Variants in CNTNAP2 observed in about 807,000 individuals in gnomAD.
The protein encoded by CNTNAP2 is contactin associated protein 2.
CNTNAP2 carries 98 observed loss-of-function variants against 155.2 expected under a neutral mutation model. The ratio of observed to expected loss-of-function variants is 0.63; its 90% CI spans 0.54 to 0.75. CNTNAP2 has a LOEUF of 0.75. Ranked by LOEUF, CNTNAP2 falls within the 30% of genes least tolerant of loss-of-function variation. The pLI is 0.00. For synonymous variants in CNTNAP2, 651 were observed against 631.2 expected, an observed-to-expected ratio of 1.03 and a Z score of -0.47; for missense variants, 1,727 against 1,688.1, an observed-to-expected ratio of 1.02 and a Z score of -0.40.
chr7:147,096,353 C>T (rs774802399), intron 4 of CNTNAP2, among the ~76,000 whole-genome samples: 1 of 152,172 alleles, frequency 6.6e-6, no homozygotes, highest in Non-Finnish European at 1.5e-5. Flanking sequence ...GTTTGAATAA[C>T]ACCAGCATTC....
intron 2 of CNTNAP2, among the ~76,000 whole-genome samples, chr7:146,793,788 G>A (rs948580211): frequency 1.3e-5 from 2 of 152,184 alleles, no homozygotes; most frequent in African/African-American, 4.8e-5. Context: ...GACAGCATAA[G>A]TGGTGTCAAG....
intron 1 of CNTNAP2, among the ~76,000 whole-genome samples, chr7:146,568,637 C>A (rs1341881060): frequency 6.6e-6 from 1 of 152,092 alleles, no homozygotes; most frequent in Admixed American, 6.5e-5. Context: ...ATTCTTGATT[C>A]AAAAAATCAT....
At chr7:147,840,117 T>C (rs1798705054) in intron 13 of CNTNAP2, among the ~76,000 whole-genome samples, 1 of 152,012 alleles carries the variant, frequency 6.6e-6, no homozygotes, top group Non-Finnish European at 1.5e-5. Flanking sequence ...CTAAATGATG[T>C]GCACATATGG....
intron 1 of CNTNAP2, among the ~76,000 whole-genome samples, chr7:146,164,029 G>T (rs1468097785): frequency 6.6e-6 from 1 of 152,046 alleles, no homozygotes; most frequent in Non-Finnish European, 1.5e-5. Context: ...TATTATATTT[G>T]CTTCTTTGTC....
chr7:148,223,912 G>A (rs535487281), intron 19 of CNTNAP2, among the ~76,000 whole-genome samples: 7 of 152,290 alleles, frequency 4.6e-5, no homozygotes, highest in South Asian at 2.1e-4. Context: ...AATGTCCAGC[G>A]TTTTGCATAA....
chr7:147,637,002 G>C (rs1270091233), intron 12 of CNTNAP2, among the ~76,000 whole-genome samples: 1 of 152,104 alleles, frequency 6.6e-6, no homozygotes, highest in African/African-American at 2.4e-5. Flanking sequence ...CTGCTGATGT[G>C]TTTGAGGAAT....
At chr7:147,541,303 G>A (rs1168759998) in intron 11 of CNTNAP2, among the ~76,000 whole-genome samples, 1 of 152,160 alleles carries the variant, frequency 6.6e-6, no homozygotes, top group African/African-American at 2.4e-5. Context: ...ATAGCCTTCT[G>A]TTACTTTAAT....
In CNTNAP2 at chr7:147,244,986, A is replaced by G. The variant is rs182254533; in HGVS notation, c.1349-55155A>G. 2.7e-3 allele frequency among the ~76,000 whole-genome samples: 408 copies of G among 152,288 alleles called. 1 individual carries two copies. The highest frequency in any genetic ancestry group is 9.2e-3 in the African/African-American group (381 of 41,560). ...CCTCAGTGTAGAAAACTTTTATTAT[A>G]TGGCCACAAAAGGCACTGAAAACGA... On this transcript the variant is annotated intron_variant, in intron 8 of 23. Transcript: ENST00000361727.
At chr7:147,828,929 A>G (rs953912130) in intron 13 of CNTNAP2, among the ~76,000 whole-genome samples, 2 of 152,190 alleles carry the variant, frequency 1.3e-5, no homozygotes, top group African/African-American at 4.8e-5. Context: ...GTTCTTGGGT[A>G]TGAAGAGTCT....
intron 1 of CNTNAP2, among the ~76,000 whole-genome samples, chr7:146,639,988 T>G (rs1799677984): frequency 6.6e-6 from 1 of 152,184 alleles, no homozygotes; most frequent in Non-Finnish European, 1.5e-5. Flanking sequence ...ATGTGCATTT[T>G]TAAAGATGGG....
intron 1 of CNTNAP2, among the ~76,000 whole-genome samples, chr7:146,337,803 A>G (rs910856525): frequency 3.3e-5 from 5 of 152,048 alleles, no homozygotes; most frequent in African/African-American, 1.2e-4. Flanking sequence ...TAGTCTATGT[A>G]CCAATATTTA....
At chr7:147,937,452 A>G (rs1211574324) in intron 14 of CNTNAP2, among the ~76,000 whole-genome samples, 4 of 152,174 alleles carry the variant, frequency 2.6e-5, no homozygotes, top group African/African-American at 9.6e-5. Flanking sequence ...GACACAAATC[A>G]TATCAATGAG....
At chr7:147,966,052 G>A (rs1801204192) in intron 14 of CNTNAP2, among the ~76,000 whole-genome samples, 1 of 152,126 alleles carries the variant, frequency 6.6e-6, no homozygotes, top group African/African-American at 2.4e-5. Context: ...GACCTGCTGA[G>A]TTGAAGTGGG....
At position 147,014,687 on chromosome 7, in the gene CNTNAP2, C is replaced by T. The variant is rs577480678; in HGVS notation, c.403-29220C>T. Among the ~76,000 whole-genome samples, 3 of 152,226 alleles carry T rather than the reference C, an allele frequency of 2.0e-5. No homozygotes were observed. The East Asian group carries it at 5.8e-4, about 29-fold the overall frequency. ...TGCCAAACCAAGTGGATTGATTTAA[C>T]AGCAACATTAAGCTCCCCTGCCAGT... On this transcript the variant is annotated intron_variant, in intron 3 of 23. Transcript: ENST00000361727.
At chr7:146,450,181 G>A (rs1796458491) in intron 1 of CNTNAP2, among the ~76,000 whole-genome samples, 1 of 152,062 alleles carries the variant, frequency 6.6e-6, no homozygotes, top group African/African-American at 2.4e-5. Context: ...TTAATAACAT[G>A]AACTTTGAGC....
At chr7:147,447,546 A>G (rs367626014) in intron 10 of CNTNAP2, among the ~76,000 whole-genome samples, 28 of 152,046 alleles carry the variant, frequency 1.8e-4, no homozygotes, top group African/African-American at 6.5e-4. Context: ...CTCCCCAAGT[A>G]GCTAGGACTA....
intron 13 of CNTNAP2, among the ~76,000 whole-genome samples, chr7:147,886,475 C>CAAAAAAAAAAAAAAAAAAAAA (rs532837902): frequency 2.5e-5 from 1 of 39,736 alleles, no homozygotes; most frequent in African/African-American, 1.1e-4. Context: ...AACTCCATCT[C>CAAAAAAAAAAAAAAAAAAAAA]AAAAAAAAAA....
At chr7:148,078,533 T>A (rs1803539226) in intron 15 of CNTNAP2, among the ~76,000 whole-genome samples, 1 of 152,086 alleles carries the variant, frequency 6.6e-6, no homozygotes, top group Admixed American at 6.6e-5. Context: ...CAGGCTGGAG[T>A]GCAATGGTGC....
intron 2 of CNTNAP2, among the ~76,000 whole-genome samples, chr7:146,827,269 A>G (rs1803423725): frequency 6.6e-6 from 1 of 152,062 alleles, no homozygotes; most frequent in Non-Finnish European, 1.5e-5. Context: ...ACAATGGGCA[A>G]TCCTAAGAGT....
Sources: gnomAD v4.1 joint callset for allele counts (sites outside exome capture counted in the v4.1 genomes callset) on GRCh38, gnomAD v4.1.1 for gene constraint, MANE v1.5 for transcripts, NCBI Gene and HGNC (gene_info 2026-07-23, HGNC 2026-07-21) for gene names.